The following LVRN variants were observed in gnomAD, a reference collection of about 807,000 sequenced individuals.
LVRN encodes the protein laeverin.
In LVRN, 99 loss-of-function variants were observed where a neutral mutation model predicts 111.4. The ratio of observed to expected loss-of-function variants is 0.89; its 90% CI spans 0.76 to 1.05. The LOEUF is 1.05. LVRN is among the 50% of genes least tolerant of loss of function. The probability of loss-of-function intolerance (pLI) is 0.00; values close to 1 mark genes in which losing one functional copy is unlikely to be tolerated. For synonymous variants in LVRN, 488 were observed against 449.5 expected, an observed-to-expected ratio of 1.09 and a Z score of -1.08; for missense variants, 1,414 against 1,206.8, an observed-to-expected ratio of 1.17 and a Z score of -2.54.
Position 115,992,248 on chromosome 5 carries a change from T to C in LVRN, c.1231T>C (p.Tyr411His). 6.2e-7 allele frequency: 1 copy of C among 1,613,940 alleles called. No homozygotes were observed. Among genetic ancestry groups the C allele is most frequent in the Non-Finnish European group, 8.5e-7 (1 of 1,179,892 alleles). ...QLTEKKTLIS[Y>H]VVSHEIGHQW... Reference sequence around the variant, plus strand: ...GACAGAAAAAAAGACTCTGATCTCCTATGTTGTCTCCCACGAGATTGGACA... The same window carrying C: ...GACAGAAAAAAAGACTCTGATCTCCCATGTTGTCTCCCACGAGATTGGACA... The change falls in exon 5 of 20, where the codon TAT (tyrosine) becomes CAT (histidine). Residue 411 changes from tyrosine to histidine, a missense_variant. Coordinates refer to ENST00000357872, the MANE Select transcript of LVRN (RefSeq NM_173800.5).
At chr5:115,976,145 G>A (rs1471306067) in intron 1 of LVRN, 2 of 152,192 alleles carry the variant, frequency 1.3e-5, no homozygotes, top group African/African-American at 2.4e-5. Context: ...GGGTCTCTTC[G>A]GTCCCCACTT....
chr5:116,001,165 T>C lies in LVRN; in HGVS notation c.1746T>C (p.Asn582=), dbSNP rs7712021. The change falls in exon 10 of 20, where the codon AAT becomes AAC. Residue 582 remains asparagine, a synonymous_variant. Transcript: ENST00000357872. ...HQSGFPVITL[N]VSTGVMKQEP... ...GTGGTTTTCCAGTGATCACTTTAAA[T>C]GTGTCTACTGGCGTCATGAAACAGG... 516,646 of 1,613,368 alleles carry C rather than the reference T, an allele frequency of 0.32. 85,042 individuals are homozygous for C. Among genetic ancestry groups the C allele is most frequent in the Non-Finnish European group, 0.34 (401,468 of 1,179,798 alleles).
rs767458350 is a variant in LVRN at position 115,963,276 on chromosome 5, T to A, written c.659T>A (p.Leu220His). 6 of 1,612,476 alleles carry A rather than the reference T, an allele frequency of 3.7e-6. No individual in the cohort carries two copies. Among genetic ancestry groups the A allele is most frequent in the Non-Finnish European group, 4.2e-6 (5 of 1,179,852 alleles). Reference protein sequence around the residue: ...GLVKEDLREGLFLNVYTDQGE... With the variant: ...GLVKEDLREGHFLNVYTDQGE... ...GTGAAGGAAGACCTCAGGGAGGGAC[T>A]CTTCCTCAACGTCTACACCGACCAG... The change falls in exon 1 of 20, where the codon CTC becomes CAC. Residue 220 changes from leucine to histidine, a missense_variant. Transcript: ENST00000357872.
Position 116,014,506 on chromosome 5 carries a change from G to T in LVRN, c.2429G>T (p.Trp810Leu), listed in dbSNP as rs202244055. Residue 810 changes from tryptophan (W) to leucine (L), a missense_variant, in exon 16 of 20, where the codon TGG becomes TTG. Trp to Leu is a moderately conservative substitution (Grantham distance 61, BLOSUM62 -2). Transcript: ENST00000357872. Reference sequence around the variant, plus strand: ...CTGTCAAAAGAACTTTTCGCAAAATGGGTGGATCATCCAGAAAATGAGTAA... The same window carrying T: ...CTGTCAAAAGAACTTTTCGCAAAATTGGTGGATCATCCAGAAAATGAGTAA... Reference protein sequence around the residue: ...LQLSKELFAKWVDHPENEIPY... With the variant: ...LQLSKELFAKLVDHPENEIPY... 2 of 1,613,294 alleles carry T rather than the reference G, an allele frequency of 1.2e-6. No individual in the cohort carries two copies. The highest frequency in any genetic ancestry group is 8.5e-7 in the Non-Finnish European group (1 of 1,179,458).
intron 1 of LVRN, among the ~76,000 whole-genome samples, chr5:115,966,787 G>T (rs1561551827): frequency 6.6e-6 from 1 of 152,174 alleles, no homozygotes; most frequent in Non-Finnish European, 1.5e-5. Context: ...AGTGATAGAT[G>T]TTCTCTGTAT....
chr5:115,986,748 T>C (rs1747873404), intron 3 of LVRN, among the ~76,000 whole-genome samples: 2 of 152,222 alleles, frequency 1.3e-5, no homozygotes, highest in South Asian at 4.1e-4. Context: ...ATAAGAAACA[T>C]GTAAGTAGTT....
rs748525544 is a variant in LVRN at position 115,962,814 on chromosome 5, C to G, written c.197C>G (p.Pro66Arg). The G allele has an allele frequency of 6.2e-7, 1 of 1,612,110 alleles. No homozygotes were observed. The highest frequency in any genetic ancestry group is 1.3e-5 in the African/African-American group (1 of 74,946). The change falls in exon 1 of 20, where the codon CCG becomes CGG. Residue 66 changes from proline to arginine, a missense_variant. Physicochemically the swap from Pro to Arg is moderately radical, Grantham distance 103. Transcript: ENST00000357872. ...TCTTCCCCTCCCCTCAGGCAGAAGC[C>G]GACGCCAACCCCGAAACCCAGCAGT... ...AESSPPLRQK[P>R]TPTPKPSSAR...
rs966746028 is a variant in LVRN at position 116,026,427 on chromosome 5, T to G, written c.*309T>G. 6 of 363,424 alleles carry G rather than the reference T, an allele frequency of 1.7e-5. No individual in the cohort carries two copies. Among genetic ancestry groups the G allele is most frequent in the African/African-American group, 6.4e-5 (3 of 47,226 alleles). 22.5% of individuals were successfully genotyped at this position (363,424 alleles called of 1,614,324 possible). A position where few individuals can be genotyped will look rare whatever the true frequency, so the allele number is the denominator to read the frequency against. On this transcript the variant is annotated 3_prime_UTR_variant, in exon 20 of 20. Transcript: ENST00000357872. ...CCTAAGATAGTCTTGCTTATTTTGT[T>G]GCGAAGGCCAGTGGAATATAAAAAT...
intron 10 of LVRN, 95 bp from the exon 11 acceptor site, chr5:116,002,740 T>C: frequency 1.2e-6 from 1 of 866,214 alleles, no homozygotes; most frequent in Non-Finnish European, 1.8e-6. Context: ...AGAAACTGAG[T>C]TCTGTGTGCT....
chr5:116,026,191 T>G lies in LVRN; in HGVS notation c.*73T>G. On this transcript the variant is annotated 3_prime_UTR_variant, in exon 20 of 20. Transcript: ENST00000357872. ...GTTCACAGTTTTGTCTTCCAATACT[T>G]TGTGAGTCTGGAAAACCACACATTT... is the stretch of plus-strand genomic sequence containing the variant. 6.3e-7 allele frequency: 1 copy of G among 1,581,056 alleles called. No homozygotes were observed. Among genetic ancestry groups the G allele is most frequent in the Non-Finnish European group, 8.6e-7 (1 of 1,160,042 alleles).
At chr5:116,013,839 T>C (rs550432051) in intron 15 of LVRN, among the ~76,000 whole-genome samples, 23 of 152,302 alleles carry the variant, frequency 1.5e-4, no homozygotes, top group Non-Finnish European at 2.8e-4. Flanking sequence ...TGTTTTGAAG[T>C]ACAGTGTACA....
At chr5:116,005,166 G>T (rs554784037) in intron 12 of LVRN, among the ~76,000 whole-genome samples, 63 of 152,316 alleles carry the variant, frequency 4.1e-4, no homozygotes, top group African/African-American at 1.4e-3. Flanking sequence ...TGCCAGAAAA[G>T]AAATTAAACT....
chr5:115,973,872 C>G (rs961695580), intron 1 of LVRN, among the ~76,000 whole-genome samples: 1 of 152,088 alleles, frequency 6.6e-6, no homozygotes. Context: ...TAGGTTTCTT[C>G]TACTTCTAAT....
In LVRN at chr5:116,000,631, A is replaced by C. The variant is rs1748217999; in HGVS notation, c.1620A>C (p.Gln540His). 6.2e-7 allele frequency: 1 copy of C among 1,614,046 alleles called. No individual in the cohort carries two copies. The highest frequency in any genetic ancestry group is 8.5e-7 in the Non-Finnish European group (1 of 1,179,966). ...CATTTTCCTACTCAAACGCTGAGCA[A>C]GATGATCTATGGAGGCATTTTCAAA... ...LKTFSYSNAE[Q>H]DDLWRHFQMA... is the part of the protein sequence containing the mutation. The change falls in exon 9 of 20, where the codon CAA becomes CAC. Residue 540 changes from glutamine to histidine, a missense_variant. Coordinates refer to ENST00000357872, the MANE Select transcript of LVRN (RefSeq NM_173800.5).
intron 6 of LVRN, among the ~76,000 whole-genome samples, chr5:115,997,536 C>T (rs111945543): frequency 1.3e-5 from 2 of 151,778 alleles, no homozygotes; most frequent in Non-Finnish European, 2.9e-5. Flanking sequence ...TGGTGCTGCA[C>T]CCTTGTAGTC....
At chr5:115,968,536 C>T (rs1272454865) in intron 1 of LVRN, among the ~76,000 whole-genome samples, 1 of 150,858 alleles carries the variant, frequency 6.6e-6, no homozygotes, top group Non-Finnish European at 1.5e-5. Context: ...ACTCTCAGGC[C>T]CAAGTGATCC....
intron 18 of LVRN, among the ~76,000 whole-genome samples, chr5:116,017,744 G>A (rs1325900311): frequency 6.6e-6 from 1 of 152,096 alleles, no homozygotes; most frequent in African/African-American, 2.4e-5. Flanking sequence ...ATTTAATAAT[G>A]TGCTATTTAA....
intron 1 of LVRN, among the ~76,000 whole-genome samples, chr5:115,977,269 G>A (rs559040897): frequency 3.2e-4 from 48 of 152,198 alleles, no homozygotes; most frequent in African/African-American, 1.1e-3. Context: ...GAACTCTAAC[G>A]TCTGTCTCTT....
At position 115,962,790 on chromosome 5, in the gene LVRN, C is replaced by A; in HGVS notation, c.173C>A (p.Ser58Tyr). 2 of 1,610,970 alleles carry A rather than the reference C, an allele frequency of 1.2e-6. No individual in the cohort carries two copies. The highest frequency in any genetic ancestry group is 8.5e-7 in the Non-Finnish European group (1 of 1,178,554). Reference sequence around the variant, plus strand: ...GGACTCAGGGACTTGGAAGCCGAGTCTTCCCCTCCCCTCAGGCAGAAGCCG... The same window carrying A: ...GGACTCAGGGACTTGGAAGCCGAGTATTCCCCTCCCCTCAGGCAGAAGCCG... ...LPGLRDLEAESSPPLRQKPTP... is the reference protein window; with the variant it reads ...LPGLRDLEAEYSPPLRQKPTP... Residue 58 changes from serine (S) to tyrosine (Y), a missense_variant, in exon 1 of 20, where the codon TCT (serine) becomes TAT (tyrosine). Physicochemically the swap from Ser to Tyr is moderately radical, Grantham distance 144 (BLOSUM62 -2). Coordinates refer to ENST00000357872, the MANE Select transcript of LVRN (RefSeq NM_173800.5).
Sources: gnomAD v4.1 joint callset for allele counts (sites outside exome capture counted in the v4.1 genomes callset) on GRCh38, gnomAD v4.1.1 for gene constraint, MANE v1.5 for transcripts, NCBI Gene and HGNC (gene_info 2026-07-23, HGNC 2026-07-21) for gene names.